The following PIK3CB variants were observed in gnomAD, a reference collection of about 807,000 sequenced individuals.
PIK3CB encodes phosphatidylinositol 4,5-bisphosphate 3-kinase catalytic subunit beta isoform.
Under a neutral mutation model 136.8 loss-of-function variants are expected in PIK3CB, and 39 were observed. The observed-to-expected ratio is 0.29, with a 90% CI of 0.22 to 0.37. The LOEUF is 0.37. Among genes scored for constraint, PIK3CB ranks in the 10% least tolerant of loss-of-function variants. The probability of loss-of-function intolerance (pLI) is 1.00; values close to 1 mark genes in which losing one functional copy is unlikely to be tolerated. For missense variants in PIK3CB, 868 were observed against 1,275.4 expected (o/e 0.68, Z 4.87); for synonymous variants, 428 against 436.6 (o/e 0.98, Z 0.25).
intron 2 of PIK3CB, among the ~76,000 whole-genome samples, chr3:138,768,495 G>A (rs1342412191): frequency 1.3e-5 from 2 of 152,340 alleles, no homozygotes; most frequent in East Asian, 3.9e-4. Flanking sequence ...GCCCGGAAAA[G>A]GCACAAGTTC....
At chr3:138,818,549 C>A (rs1933429271) in intron 1 of PIK3CB, among the ~76,000 whole-genome samples, 1 of 152,182 alleles carries the variant, frequency 6.6e-6, no homozygotes, top group Non-Finnish European at 1.5e-5. Context: ...AGTCAAACAA[C>A]TCTCCAAGAT....
intron 8 of PIK3CB, among the ~76,000 whole-genome samples, chr3:138,719,071 T>C (rs1001986261): frequency 1.3e-5 from 2 of 152,088 alleles, no homozygotes; most frequent in African/African-American, 4.8e-5. Context: ...TCCCAGAAAT[T>C]AGTCAAAAAG....
At chr3:138,662,067 A>C (rs548699160) in intron 21 of PIK3CB, among the ~76,000 whole-genome samples, 1 of 151,002 alleles carries the variant, frequency 6.6e-6, no homozygotes, top group African/African-American at 2.4e-5. Context: ...AGAGAAAATA[A>C]CTCAAGTGGG....
chr3:138,725,784 C>T (rs555487819), intron 8 of PIK3CB, among the ~76,000 whole-genome samples: 42 of 152,304 alleles, frequency 2.8e-4, no homozygotes, highest in African/African-American at 9.9e-4. Context: ...TTCATAACTG[C>T]TTTAATGTCT....
At chr3:138,698,394 G>A (rs959633837) in intron 13 of PIK3CB, among the ~76,000 whole-genome samples, 2 of 152,114 alleles carry the variant, frequency 1.3e-5, no homozygotes, top group South Asian at 4.1e-4. Flanking sequence ...AAATTTGGTG[G>A]GTTTCTGAAG....
At chr3:138,776,922 C>CA (rs11435742) in intron 2 of PIK3CB, among the ~76,000 whole-genome samples, 22,690 of 57,008 alleles carry the variant, frequency 0.4, 4,518 homozygotes, top group African/African-American at 0.58. Context: ...GACTCTACCT[C>CA]AAAAAAAAAA....
At chr3:138,747,717 A>T (rs2045389487) in intron 4 of PIK3CB, among the ~76,000 whole-genome samples, 1 of 152,034 alleles carries the variant, frequency 6.6e-6, no homozygotes, top group Admixed American at 6.6e-5. Flanking sequence ...TAACTTTTTA[A>T]TTTTTTCACT....
chr3:138,660,128 G>C (rs603723), intron 21 of PIK3CB, among the ~76,000 whole-genome samples: 82,002 of 151,514 alleles, frequency 0.54, 23,340 homozygotes, highest in East Asian at 0.99. Context: ...GAGCCAAACT[G>C]CCAGGGTTAA....
intron 2 of PIK3CB, 40 bp from the exon 3 acceptor site, chr3:138,759,399 G>A (rs980597599): frequency 7.0e-7 from 1 of 1,418,886 alleles, no homozygotes; most frequent in Non-Finnish European, 9.7e-7. Context: ...ACAACCATCA[G>A]CCAAATTTTA....
intron 4 of PIK3CB, among the ~76,000 whole-genome samples, chr3:138,752,783 A>C (rs2045497205): frequency 6.6e-6 from 1 of 152,198 alleles, no homozygotes; most frequent in South Asian, 2.1e-4. Context: ...GGTAGGATAA[A>C]AGGTAAGGTT....
In PIK3CB at chr3:138,759,274, T is replaced by C; in HGVS notation, c.70A>G (p.Ile24Val). The C allele has an allele frequency of 5.0e-6, 8 of 1,613,212 alleles. No homozygotes were observed. Among genetic ancestry groups the C allele is most frequent in the Non-Finnish European group, 6.8e-6 (8 of 1,179,250 alleles). The stretch of plus-strand genomic sequence containing the variant: ...ACAGGTATGGAGCCATCAGATGCTA[T>C]CTGTGAATCCACCGCCCAGATGTCA... ...ILDIWAVDSQ[I>V]ASDGSIPVDF... Residue 24 changes from isoleucine to valine, a missense_variant, in exon 3 of 24, where the codon ATA becomes GTA. By Grantham distance (29) the Ile-to-Val change is conservative. Coordinates refer to ENST00000674063, the MANE Select transcript of PIK3CB (RefSeq NM_006219.3).
chr3:138,717,723 T>C (rs2044642355), intron 8 of PIK3CB, among the ~76,000 whole-genome samples: 1 of 152,212 alleles, frequency 6.6e-6, no homozygotes, highest in Admixed American at 6.5e-5. Flanking sequence ...CAGTGTCTGT[T>C]GCTTCCTTCT....
intron 1 of PIK3CB, among the ~76,000 whole-genome samples, chr3:138,805,642 A>G: frequency 6.6e-6 from 1 of 152,054 alleles, no homozygotes; most frequent in South Asian, 2.1e-4. Flanking sequence ...ACAGCACTCC[A>G]GCCTGGGCCA....
At chr3:138,669,186 C>A (rs545872219) in intron 19 of PIK3CB, among the ~76,000 whole-genome samples, 2 of 151,906 alleles carry the variant, frequency 1.3e-5, no homozygotes, top group Non-Finnish European at 2.9e-5. Context: ...CCAAGGTGGG[C>A]GGACTGCTTG....
chr3:138,743,038 T>C (rs2045275863), intron 4 of PIK3CB, among the ~76,000 whole-genome samples: 1 of 152,178 alleles, frequency 6.6e-6, no homozygotes, highest in Non-Finnish European at 1.5e-5. Flanking sequence ...AGAAATGTAG[T>C]TTGCCTACCA....
chr3:138,729,400 G>A (rs1297034082), intron 8 of PIK3CB, among the ~76,000 whole-genome samples: 1 of 152,138 alleles, frequency 6.6e-6, no homozygotes, highest in Non-Finnish European at 1.5e-5. Context: ...GAGATATTTG[G>A]TCAAACATTA....
In PIK3CB at chr3:138,688,782, A is replaced by G. The variant is rs2043948595; in HGVS notation, c.2136+93T>C. 8.2e-6 allele frequency: 6 copies of G among 730,908 alleles called. No individual in the cohort carries two copies. The South Asian group carries it at 1.0e-4, about 13-fold the overall frequency. 45.3% of individuals were successfully genotyped at this position (730,908 alleles called of 1,614,324 possible). ...AAAACTGATCAAACACCAAGTACCA[A>G]ATTGAACATGAAGATTAAAACAAGC... On this transcript the variant is annotated intron_variant, in intron 16 of 23. Transcript: ENST00000674063.
chr3:138,677,734 A>G (rs1305933569), intron 19 of PIK3CB, among the ~76,000 whole-genome samples: 1 of 152,136 alleles, frequency 6.6e-6, no homozygotes, highest in African/African-American at 2.4e-5. Context: ...CCGTCTTACT[A>G]AAACTACAAA....
chr3:138,763,835 A>G (rs929637462), intron 2 of PIK3CB, among the ~76,000 whole-genome samples: 15 of 152,200 alleles, frequency 9.9e-5, no homozygotes, highest in African/African-American at 3.4e-4. Context: ...GATGAAGGCC[A>G]GGCGCGCTGG....
Sources: allele counts gnomAD v4.1 joint callset (sites outside exome capture counted in the v4.1 genomes callset), GRCh38; gene constraint gnomAD v4.1.1; transcripts MANE v1.5; gene names NCBI Gene and HGNC (gene_info 2026-07-23, HGNC 2026-07-21).